LMBR1: variants seen among roughly 807,000 people sequenced by gnomAD.
The protein encoded by LMBR1 is limb region 1 protein homolog.
LMBR1 carries 52 observed loss-of-function variants against 73.9 expected under a neutral mutation model. That is an observed-to-expected ratio of 0.70 (90% CI 0.56 to 0.89). LMBR1 has a LOEUF of 0.89. Ranked by LOEUF, LMBR1 falls within the 40% of genes least tolerant of loss-of-function variation. The pLI is 0.00. For synonymous variants in LMBR1, 215 were observed against 209.4 expected (o/e 1.03, Z -0.23); for missense variants, 539 against 579.8 (o/e 0.93, Z 0.72).
chr7:156,770,666 T>C (rs958945388), intron 5 of LMBR1, among the ~76,000 whole-genome samples: 18 of 152,104 alleles, frequency 1.2e-4, no homozygotes, highest in African/African-American at 4.3e-4. Context: ...GTAATCCTAG[T>C]ACTTTTAAAG....
At chr7:156,695,147 C>G (rs373833888) in intron 15 of LMBR1, among the ~76,000 whole-genome samples, 2 of 152,072 alleles carry the variant, frequency 1.3e-5, no homozygotes, top group Non-Finnish European at 2.9e-5. Context: ...AAAGACTACA[C>G]GAAATTTAAA....
intron 1 of LMBR1, among the ~76,000 whole-genome samples, chr7:156,870,236 T>C (rs920183155): frequency 5.9e-5 from 9 of 152,006 alleles, no homozygotes; most frequent in African/African-American, 2.2e-4. Flanking sequence ...TACAGAACAT[T>C]CTCCTCAATG....
intron 1 of LMBR1, among the ~76,000 whole-genome samples, chr7:156,838,563 G>A (rs1431633125): frequency 6.6e-6 from 1 of 152,106 alleles, no homozygotes; most frequent in Admixed American, 6.5e-5. Flanking sequence ...CTTTTTTACA[G>A]CTGAATAGTA....
chr7:156,740,397 G>C (rs1194867842), intron 9 of LMBR1, among the ~76,000 whole-genome samples: 1 of 152,106 alleles, frequency 6.6e-6, no homozygotes, highest in African/African-American at 2.4e-5. Context: ...TTAAGAACAA[G>C]AAGGTTATAG....
At chr7:156,840,622 G>A (rs1017244475) in intron 1 of LMBR1, among the ~76,000 whole-genome samples, 13 of 151,946 alleles carry the variant, frequency 8.6e-5, no homozygotes, top group African/African-American at 3.1e-4. Context: ...GAGGGTGATA[G>A]GATCTGACAC....
chr7:156,720,682 A>T (rs1244169527), intron 15 of LMBR1, among the ~76,000 whole-genome samples: 1 of 151,584 alleles, frequency 6.6e-6, no homozygotes, highest in African/African-American at 2.4e-5. Flanking sequence ...TAAAGTTAAT[A>T]ATAATAAGTC....
intron 15 of LMBR1, among the ~76,000 whole-genome samples, chr7:156,717,311 G>T (rs1813431385): frequency 6.6e-6 from 1 of 152,298 alleles, no homozygotes; most frequent in African/African-American, 2.4e-5. Flanking sequence ...AGAGAGAAAT[G>T]ACAGGTTCTG....
chr7:156,755,366 AAAGTC>A, intron 9 of LMBR1, among the ~76,000 whole-genome samples: 1 of 152,356 alleles, frequency 6.6e-6, no homozygotes, highest in Non-Finnish European at 1.5e-5. Flanking sequence ...TGTTTTGATT[AAAGTC>A]AATTCAAAAT....
At chr7:156,747,046 TTC>T (rs1327603593) in intron 9 of LMBR1, among the ~76,000 whole-genome samples, 1 of 152,172 alleles carries the variant, frequency 6.6e-6, no homozygotes, top group Non-Finnish European at 1.5e-5. Flanking sequence ...AATGGTATTA[TTC>T]TGTTTTTCTT....
chr7:156,684,683 G>A (rs1026173658), intron 16 of LMBR1, among the ~76,000 whole-genome samples: 16 of 152,346 alleles, frequency 1.1e-4, no homozygotes, highest in South Asian at 1.0e-3. Context: ...CAGGCTGGGC[G>A]TGGTGGCTCA....
intron 10 of LMBR1, chr7:156,733,713 A>T (rs1817307198): frequency 1.3e-5 from 2 of 152,274 alleles, no homozygotes; most frequent in Non-Finnish European, 2.9e-5. Flanking sequence ...AAAAGAAAAA[A>T]TATTTGGAGA....
intron 4 of LMBR1, 98 bp downstream of exon 4, chr7:156,826,507 C>G: frequency 2.3e-6 from 2 of 856,226 alleles, no homozygotes; most frequent in Non-Finnish European, 3.3e-6. Flanking sequence ...GAGGAAGTCA[C>G]AAATTATGAA....
At chr7:156,826,584 T>C (rs1316988993) in intron 4 of LMBR1, 21 bp downstream of exon 4, 2 of 1,380,924 alleles carry the variant, frequency 1.4e-6, no homozygotes, top group South Asian at 1.7e-5. Flanking sequence ...ATTGTGATTA[T>C]ATTAAGCAAT....
chr7:156,885,142 C>T (rs766477624), intron 1 of LMBR1, among the ~76,000 whole-genome samples: 2 of 152,022 alleles, frequency 1.3e-5, no homozygotes, highest in African/African-American at 4.8e-5. Flanking sequence ...CACCTGAGGT[C>T]AGGAGTTCAA....
At chr7:156,841,180 G>A (rs1285535800) in intron 1 of LMBR1, among the ~76,000 whole-genome samples, 2 of 151,998 alleles carry the variant, frequency 1.3e-5, no homozygotes, top group African/African-American at 4.8e-5. Context: ...CTGAGAAACT[G>A]GAAAGACAGA....
chr7:156,716,872 G>T (rs947032892), intron 15 of LMBR1, among the ~76,000 whole-genome samples: 4 of 152,096 alleles, frequency 2.6e-5, no homozygotes, highest in African/African-American at 9.7e-5. Context: ...TAATCCCAAC[G>T]CTTTGGGAGG....
downstream of LMBR1, chr7:156,676,753 C>G: frequency 3.5e-6 from 3 of 852,944 alleles, no homozygotes; most frequent in Admixed American, 4.0e-5. Flanking sequence ...ACAATGTAAT[C>G]TGTTTCCCAG....
intron 15 of LMBR1, among the ~76,000 whole-genome samples, chr7:156,719,140 C>T (rs1159445355): frequency 7.4e-6 from 1 of 134,410 alleles, no homozygotes; most frequent in African/African-American, 2.8e-5. Context: ...CCTCCCCCCA[C>T]CCCACAACAG....
At chr7:156,736,363 G>A (rs1817864371) in intron 9 of LMBR1, 2 of 211,792 alleles carry the variant, frequency 9.4e-6, no homozygotes, top group African/African-American at 8.8e-5. Flanking sequence ...TATAGAGCTT[G>A]CATTCATTAT....
Sources: allele counts gnomAD v4.1 joint callset (sites outside exome capture counted in the v4.1 genomes callset), GRCh38; gene constraint gnomAD v4.1.1; transcripts MANE v1.5; gene names NCBI Gene and HGNC (gene_info 2026-07-23, HGNC 2026-07-21).